Variants in PRTFDC1 observed in about 807,000 individuals in gnomAD.
PRTFDC1 encodes phosphoribosyltransferase domain-containing protein 1.
A neutral mutation model predicts 34.6 loss-of-function variants in PRTFDC1; 38 were observed. The ratio of observed to expected loss-of-function variants is 1.10; its 90% confidence interval spans 0.85 to 1.44. The LOEUF is 1.44. Ranked by LOEUF, PRTFDC1 falls within the 40% of genes most tolerant of loss-of-function variation. PRTFDC1 has a pLI of 0.00. For synonymous variants in PRTFDC1, 93 were observed against 98.1 expected, an observed-to-expected ratio of 0.95 and a Z score of 0.31; for missense variants, 270 against 283.0, an observed-to-expected ratio of 0.95 and a Z score of 0.33.
intron 3 of PRTFDC1, among the ~76,000 whole-genome samples, chr10:24,890,626 G>A (rs777215956): frequency 1.4e-4 from 21 of 152,220 alleles, no homozygotes; most frequent in Non-Finnish European, 2.8e-4. Context: ...GGGTGGCAGG[G>A]AAGAGGGAAC....
At chr10:24,914,942 A>C (rs1200113818) in intron 3 of PRTFDC1, among the ~76,000 whole-genome samples, 1 of 152,194 alleles carries the variant, frequency 6.6e-6, no homozygotes, top group Non-Finnish European at 1.5e-5. Context: ...ACTCATAAAA[A>C]AATCTTCTCA....
intron 3 of PRTFDC1, among the ~76,000 whole-genome samples, chr10:24,919,864 A>G (rs955729824): frequency 5.9e-5 from 9 of 152,186 alleles, no homozygotes; most frequent in Non-Finnish European, 1.3e-4. Context: ...GCCAACAAAC[A>G]TGAAAAAAAA....
At chr10:24,899,706 A>G (rs1172807764) in intron 3 of PRTFDC1, among the ~76,000 whole-genome samples, 1 of 152,236 alleles carries the variant, frequency 6.6e-6, no homozygotes, top group Non-Finnish European at 1.5e-5. Context: ...AAAAAATACA[A>G]CATGGCTCTT....
intron 3 of PRTFDC1, among the ~76,000 whole-genome samples, chr10:24,898,629 T>C (rs1214787303): frequency 6.6e-6 from 1 of 152,072 alleles, no homozygotes; most frequent in Non-Finnish European, 1.5e-5. Context: ...AGGCTCACAT[T>C]CTTGCCTCAT....
At chr10:24,944,707 C>T (rs779070028) in intron 1 of PRTFDC1, among the ~76,000 whole-genome samples, 9 of 152,116 alleles carry the variant, frequency 5.9e-5, no homozygotes, top group South Asian at 2.1e-4. Context: ...CACTTGAGCC[C>T]GGGAGTTCGA....
At chr10:24,935,789 A>G (rs11014307) in intron 3 of PRTFDC1, among the ~76,000 whole-genome samples, 30,608 of 152,204 alleles carry the variant, frequency 0.2, 4,651 homozygotes, top group African/African-American at 0.43. Flanking sequence ...TGGTGTTGTG[A>G]ACGACCTGTG....
intron 3 of PRTFDC1, among the ~76,000 whole-genome samples, chr10:24,893,306 C>T (rs1192434014): frequency 6.6e-6 from 1 of 151,958 alleles, no homozygotes; most frequent in East Asian, 1.9e-4. Flanking sequence ...CTTTCTTTCT[C>T]TTGGCAGGGT....
chr10:24,895,727 A>ATATC (rs1555048842), intron 3 of PRTFDC1, among the ~76,000 whole-genome samples: 2 of 138,444 alleles, frequency 1.4e-5, no homozygotes, highest in Non-Finnish European at 3.1e-5. Context: ...ATATATATAT[A>ATATC]TCTGTAAATA....
intron 1 of PRTFDC1, among the ~76,000 whole-genome samples, chr10:24,945,928 T>C (rs1326127178): frequency 6.6e-6 from 1 of 152,152 alleles, no homozygotes; most frequent in Non-Finnish European, 1.5e-5. Flanking sequence ...GACTACCAGC[T>C]GTACATGAGG....
Position 24,937,173 on chromosome 10 carries a change from T to A in PRTFDC1, c.339+11A>T. The A allele has an allele frequency of 6.3e-7, 1 of 1,598,668 alleles. No homozygotes were observed. The highest frequency in any genetic ancestry group is 1.3e-5 in the African/African-American group (1 of 74,632). ...ATGAAATGTCATAAAGCGGAACTTG[T>A]AATAACTTACCCTGTAACTTTTTAG... On this transcript the variant is annotated intron_variant, in intron 3 of 8. Transcript: ENST00000320152.
intron 3 of PRTFDC1, among the ~76,000 whole-genome samples, chr10:24,886,763 C>A (rs1337182942): frequency 6.6e-6 from 1 of 152,086 alleles, no homozygotes; most frequent in Admixed American, 6.5e-5. Flanking sequence ...AGGTGCGTGC[C>A]ACCATGCCCA....
At chr10:24,866,057 C>G in intron 4 of PRTFDC1, among the ~76,000 whole-genome samples, 1 of 152,080 alleles carries the variant, frequency 6.6e-6, no homozygotes, top group East Asian at 1.9e-4. Flanking sequence ...ATGCTTCACT[C>G]TGGCATTTAA....
chr10:24,863,392 T>G (rs1160260292), intron 4 of PRTFDC1, among the ~76,000 whole-genome samples: 10 of 152,168 alleles, frequency 6.6e-5, no homozygotes, highest in Non-Finnish European at 1.2e-4. Context: ...TTATGGCCAT[T>G]CTTGAGACCT....
At chr10:24,904,265 CA>C (rs924503626) in intron 3 of PRTFDC1, among the ~76,000 whole-genome samples, 2 of 39,904 alleles carry the variant, frequency 5.0e-5, no homozygotes, top group African/African-American at 1.3e-4. Flanking sequence ...ATGTAATACA[CA>C]CACACACACA....
At chr10:24,945,344 A>C (rs561494942) in intron 1 of PRTFDC1, among the ~76,000 whole-genome samples, 1 of 152,224 alleles carries the variant, frequency 6.6e-6, no homozygotes, top group Non-Finnish European at 1.5e-5. Context: ...CCTGAACTCC[A>C]ACCTGAATTC....
chr10:24,923,316 C>T (rs1853944), intron 3 of PRTFDC1, among the ~76,000 whole-genome samples: 49,244 of 152,160 alleles, frequency 0.32, 9,378 homozygotes, highest in African/African-American at 0.53. Context: ...GCACAGCATT[C>T]GAGCTCTGAG....
At chr10:24,937,095 G>C (rs1457901042) in intron 3 of PRTFDC1, 89 bp downstream of exon 3, 1 of 1,194,866 alleles carries the variant, frequency 8.4e-7, no homozygotes, top group East Asian at 2.5e-5. Context: ...TTTAAAAATT[G>C]CACTCTTCAT....
intron 3 of PRTFDC1, among the ~76,000 whole-genome samples, chr10:24,882,382 G>A (rs1001146262): frequency 2.4e-4 from 37 of 152,106 alleles, no homozygotes; most frequent in African/African-American, 8.7e-4. Context: ...AGCAATTGCC[G>A]ATGGAATGAA....
chr10:24,915,857 T>C (rs771136344), intron 3 of PRTFDC1, among the ~76,000 whole-genome samples: 15 of 152,176 alleles, frequency 9.9e-5, no homozygotes, highest in Non-Finnish European at 1.8e-4. Flanking sequence ...CTTCACTCCC[T>C]GGATGACCCA....
Sources: gnomAD v4.1 joint callset for allele counts (sites outside exome capture counted in the v4.1 genomes callset) on GRCh38, gnomAD v4.1.1 for gene constraint, MANE v1.5 for transcripts, NCBI Gene and HGNC (gene_info 2026-07-23, HGNC 2026-07-21) for gene names.